The following PTPRD variants were observed in gnomAD, a reference collection of about 807,000 sequenced individuals.
The protein encoded by PTPRD is receptor-type tyrosine-protein phosphatase delta.
A neutral mutation model predicts 214.5 loss-of-function variants in PTPRD; 34 were observed. The observed-to-expected ratio is 0.16, with a 90% CI of 0.12 to 0.21. The LOEUF (loss-of-function observed/expected upper bound fraction) is 0.21. PTPRD is among the 10% of genes least tolerant of loss of function. PTPRD has a pLI of 1.00. For synonymous variants in PTPRD, 1,128 were observed against 845.7 expected (o/e 1.33, Z -5.79); for missense variants, 2,545 against 2,398.7 (o/e 1.06, Z -1.27).
At chr9:10,558,126 T>C (rs1043363455) in intron 2 of PTPRD, among the ~76,000 whole-genome samples, 1 of 152,164 alleles carries the variant, frequency 6.6e-6, no homozygotes, top group Non-Finnish European at 1.5e-5. Flanking sequence ...AAGGCTAATA[T>C]GCTGAAAGAG....
chr9:8,584,821 G>T (rs904820687), intron 14 of PTPRD, among the ~76,000 whole-genome samples: 1 of 152,208 alleles, frequency 6.6e-6, no homozygotes, highest in Admixed American at 6.5e-5. Context: ...AATGGCTGGG[G>T]AGGCCCCAGG....
chr9:9,832,387 G>C (rs377738709), intron 5 of PTPRD, among the ~76,000 whole-genome samples: 15 of 151,978 alleles, frequency 9.9e-5, no homozygotes, highest in African/African-American at 2.4e-4. Flanking sequence ...CAAAATAATA[G>C]ATAATTCATT....
intron 10 of PTPRD, among the ~76,000 whole-genome samples, chr9:9,172,857 GC>G (rs2099922309): frequency 6.6e-6 from 1 of 152,024 alleles, no homozygotes; most frequent in South Asian, 2.1e-4. Context: ...CACTGTTTTT[GC>G]CCCATTTATT....
chr9:9,286,876 ATATATATATAT>A (rs1433596072), intron 9 of PTPRD, among the ~76,000 whole-genome samples: 10 of 8,630 alleles, frequency 1.2e-3, no homozygotes, highest in East Asian at 0.02. Flanking sequence ...ACTACTGAAT[ATATATATATAT>A]ATATATATAT....
chr9:10,060,031 T>G lies in PTPRD; in HGVS notation c.-544-26241A>C, dbSNP rs1307166160. Among the ~76,000 whole-genome samples, 20 of 152,158 alleles carry G rather than the reference T, an allele frequency of 1.3e-4. No individual in the cohort carries two copies. The East Asian group carries it at 3.7e-3, about 28-fold the overall frequency. On this transcript the variant is annotated intron_variant, in intron 3 of 45. Coordinates refer to ENST00000381196, the MANE Select transcript of PTPRD (RefSeq NM_002839.4). ...AACCAATGAAAAAATCTTTATGAAT[T>G]TCTAGGTTAGATGCTTCCGATATTC... is the stretch of plus-strand genomic sequence containing the variant.
intron 5 of PTPRD, among the ~76,000 whole-genome samples, chr9:9,862,319 A>C (rs944456929): frequency 6.6e-6 from 1 of 152,232 alleles, no homozygotes. Context: ...AAAAGAAAGG[A>C]AACACAAATT....
At chr9:8,598,983 C>T (rs556316995) in intron 14 of PTPRD, among the ~76,000 whole-genome samples, 50 of 152,178 alleles carry the variant, frequency 3.3e-4, no homozygotes, top group Non-Finnish European at 6.6e-4. Context: ...GTGTCCCCAT[C>T]CAAATCTCAC....
rs373706181 is a variant in PTPRD at position 8,956,707 on chromosome 9, A to C, written c.-104+61990T>G. On this transcript the variant is annotated intron_variant, in intron 11 of 45. Transcript: ENST00000381196. ...CCACCAACCACGACAGAAGCAGAAC[A>C]TTTATTTCATTCTGTTCCTGCCTCC... Among the ~76,000 whole-genome samples, 14 of 151,950 alleles carry C rather than the reference A, an allele frequency of 9.2e-5. No individual in the cohort carries two copies. In the South Asian group the frequency reaches 2.7e-3, roughly 29 times the overall value.
chr9:9,135,546 A>C (rs926747189), intron 10 of PTPRD, among the ~76,000 whole-genome samples: 1 of 152,136 alleles, frequency 6.6e-6, no homozygotes, highest in Non-Finnish European at 1.5e-5. Flanking sequence ...ATGGCTTTCA[A>C]TGCTTTCTGT....
intron 8 of PTPRD, among the ~76,000 whole-genome samples, chr9:9,475,162 T>C (rs1569568654): frequency 6.6e-6 from 1 of 152,198 alleles, no homozygotes; most frequent in Non-Finnish European, 1.5e-5. Context: ...ACAATACTAC[T>C]TATGTTTACT....
intron 3 of PTPRD, 41 bp from the exon 4 acceptor site, chr9:10,033,831 T>G (rs2097127932): frequency 6.6e-6 from 1 of 152,130 alleles, no homozygotes; most frequent in Non-Finnish European, 1.5e-5. Flanking sequence ...TCACATTCTC[T>G]GGCAGTTGTA....
chr9:9,461,472 T>G (rs1021025649), intron 8 of PTPRD, among the ~76,000 whole-genome samples: 1 of 151,668 alleles, frequency 6.6e-6, no homozygotes, highest in Non-Finnish European at 1.5e-5. Flanking sequence ...GGAATTAGAG[T>G]AGATAAAGAA....
At chr9:10,425,411 T>C (rs1445873516) in intron 2 of PTPRD, among the ~76,000 whole-genome samples, 3 of 152,004 alleles carry the variant, frequency 2.0e-5, no homozygotes, top group Non-Finnish European at 4.4e-5. Flanking sequence ...TAACATTATT[T>C]GTGAAAACAT....
intron 7 of PTPRD, among the ~76,000 whole-genome samples, chr9:9,732,764 C>T (rs748951742): frequency 3.3e-5 from 5 of 152,126 alleles, no homozygotes; most frequent in Middle Eastern, 3.4e-3. Flanking sequence ...TAAATATTGA[C>T]TAATACTTTG....
chr9:10,184,996 G>C (rs1272464821), intron 3 of PTPRD, among the ~76,000 whole-genome samples: 1 of 152,078 alleles, frequency 6.6e-6, no homozygotes, highest in Non-Finnish European at 1.5e-5. Context: ...ATAACCTTTT[G>C]TGTAAAAAAT....
intron 2 of PTPRD, among the ~76,000 whole-genome samples, chr9:10,431,673 G>A (rs1030972538): frequency 2.6e-5 from 4 of 151,960 alleles, no homozygotes; most frequent in Admixed American, 2.6e-4. Context: ...CAGCCAAAAA[G>A]CACATGAAAA....
At chr9:8,757,179 ACT>A (rs1287981976) in intron 11 of PTPRD, among the ~76,000 whole-genome samples, 2 of 150,964 alleles carry the variant, frequency 1.3e-5, no homozygotes, top group South Asian at 2.1e-4. Flanking sequence ...TTTATTGTCA[ACT>A]CTCTGTTTCT....
intron 3 of PTPRD, among the ~76,000 whole-genome samples, chr9:10,120,908 G>T (rs940165341): frequency 1.3e-5 from 2 of 149,376 alleles, no homozygotes; most frequent in Non-Finnish European, 1.5e-5. Context: ...AAAAAGAAAA[G>T]AAAAAATAGA....
Position 9,497,153 on chromosome 9 carries a change from C to T in PTPRD, c.-237+77579G>A, listed in dbSNP as rs543741481. On this transcript the variant is annotated intron_variant, in intron 8 of 45. Transcript: ENST00000381196. ...AGTTTTAGTTTTATAAGATGAGAAG[C>T]GTCATGGAGGTGGATGGTGGTGATA... is the stretch of plus-strand genomic sequence containing the variant. Among the ~76,000 whole-genome samples the T allele has an allele frequency of 2.3e-4, 35 of 152,130 alleles. No homozygotes were observed. The South Asian group carries it at 6.6e-3, about 29-fold the overall frequency.
Sources: allele counts gnomAD v4.1 joint callset (sites outside exome capture counted in the v4.1 genomes callset), GRCh38; gene constraint gnomAD v4.1.1; transcripts MANE v1.5; gene names NCBI Gene and HGNC (gene_info 2026-07-23, HGNC 2026-07-21).